Variants in MSANTD7 observed in about 807,000 individuals in gnomAD.
MSANTD7 encodes the protein zinc finger and SCAN domain containing 29.
the MSANTD7 span, chr10:14,838,668 G>C: frequency 3.8e-6 from 2 of 525,996 alleles, no homozygotes; most frequent in African/African-American, 4.0e-5. Context: ...CGCGGCGGAG[G>C]CTCGCGGCGA....
chr10:14,842,484 A>G, the MSANTD7 span: 3 of 1,536,120 alleles, frequency 2.0e-6, no homozygotes, highest in Non-Finnish European at 2.6e-6. This position sits in a 1 kb window ranked among gnomAD's most constrained non-coding sequence, Gnocchi z 5.2. Context: ...TCCAAGTTTA[A>G]AGTTCTGAAG....
chr10:14,839,562 C>G, the MSANTD7 span, among the ~76,000 whole-genome samples: 1 of 148,654 alleles, frequency 6.7e-6, no homozygotes, highest in Non-Finnish European at 1.5e-5. Context: ...CGGAGCAAGA[C>G]TCCGTGTCCA....
the MSANTD7 span, chr10:14,845,123 C>T: frequency 5.1e-6 from 5 of 985,410 alleles, no homozygotes; most frequent in Non-Finnish European, 6.0e-6. Flanking sequence ...CTCCTCCACA[C>T]CCCAGACACA....
chr10:14,845,728 A>G, the MSANTD7 span: 1 of 184,772 alleles, frequency 5.4e-6, no homozygotes, highest in South Asian at 1.9e-4. Context: ...TGCCCAACTC[A>G]TTTTTGTATT....
At chr10:14,843,795 A>G in the MSANTD7 span, 4 of 1,536,328 alleles carry the variant, frequency 2.6e-6, no homozygotes, top group Non-Finnish European at 8.7e-7. Context: ...CTGTCATCGC[A>G]GTCAGACGTT....
the MSANTD7 span, chr10:14,846,562 C>T: frequency 1.0e-6 from 1 of 984,196 alleles, no homozygotes. Flanking sequence ...ATGTGGTAGA[C>T]CCAACCATTA....
the MSANTD7 span, chr10:14,840,042 A>G: frequency 2.0e-5 from 11 of 549,730 alleles, no homozygotes; most frequent in South Asian, 8.1e-4. Context: ...ATACATTGTA[A>G]TATATATATA....
At chr10:14,841,567 T>C in the MSANTD7 span, among the ~76,000 whole-genome samples, 1 of 152,206 alleles carries the variant, frequency 6.6e-6, no homozygotes, top group African/African-American at 2.4e-5. Flanking sequence ...ATACAGAACA[T>C]TTCCATAGAT....
the MSANTD7 span, chr10:14,844,582 C>T: frequency 7.1e-6 from 7 of 985,146 alleles, no homozygotes; most frequent in East Asian, 1.1e-4. Context: ...TTTGTCAAAC[C>T]GTCTTTCTCT....
chr10:14,845,593 T>C, the MSANTD7 span: 4 of 932,538 alleles, frequency 4.3e-6, no homozygotes, highest in Non-Finnish European at 5.1e-6. Flanking sequence ...TTTTCTATTA[T>C]TATTATTTTT....
the MSANTD7 span, chr10:14,838,632 C>A: frequency 6.6e-6 from 4 of 601,522 alleles, no homozygotes; most frequent in Non-Finnish European, 1.1e-5. Flanking sequence ...TCGCGCCTGG[C>A]GATTCCTCCG....
chr10:14,844,420 G>A, the MSANTD7 span: 1 of 993,922 alleles, frequency 1.0e-6, no homozygotes, highest in African/African-American at 1.7e-5. Context: ...TTCCTTTGCT[G>A]GTCTAACTTG....
At chr10:14,846,274 C>A in the MSANTD7 span, 1 of 985,286 alleles carries the variant, frequency 1.0e-6, no homozygotes, top group Non-Finnish European at 1.2e-6. Flanking sequence ...AAGTACTTGA[C>A]GGAGAGTTAG....
At chr10:14,844,291 G>C in the MSANTD7 span, 1 of 1,092,890 alleles carries the variant, frequency 9.2e-7, no homozygotes, top group Non-Finnish European at 1.1e-6. Flanking sequence ...GGGTTTAAAA[G>C]TTTAAAAGCA....
At chr10:14,845,913 T>G in the MSANTD7 span, 1 of 612,070 alleles carries the variant, frequency 1.6e-6, no homozygotes, top group African/African-American at 2.0e-5. Context: ...GTATTAGATT[T>G]TTTTTTTCCT....
the MSANTD7 span, chr10:14,845,046 G>C: frequency 1.0e-6 from 1 of 985,332 alleles, no homozygotes; most frequent in Non-Finnish European, 1.2e-6. Context: ...AACACTAGAG[G>C]ATGGTGTGGA....
chr10:14,845,523 G>A, the MSANTD7 span: 2 of 985,186 alleles, frequency 2.0e-6, no homozygotes, highest in South Asian at 4.7e-5. Flanking sequence ...TTGGAATCTA[G>A]TTAGAATTCC....
chr10:14,842,292 G>A, the MSANTD7 span: 2 of 1,535,468 alleles, frequency 1.3e-6, no homozygotes, highest in South Asian at 2.4e-5. This position sits in a 1 kb window ranked among gnomAD's most constrained non-coding sequence, Gnocchi z 5.2. Flanking sequence ...ACAATGGCCA[G>A]TGCCAATAGC....
the MSANTD7 span, among the ~76,000 whole-genome samples, chr10:14,839,674 T>C: frequency 2.6e-5 from 4 of 152,228 alleles, no homozygotes; most frequent in Admixed American, 1.3e-4. Context: ...TGTTATTACT[T>C]TTGATTCAAT....
Sources: allele counts gnomAD v4.1 joint callset (sites outside exome capture counted in the v4.1 genomes callset), GRCh38; gene constraint gnomAD v4.1.1; non-coding constraint Gnocchi (gnomAD v3.1); transcripts MANE v1.5; gene names NCBI Gene and HGNC (gene_info 2026-07-23, HGNC 2026-07-21).